THSD7B: variants seen among roughly 807,000 people sequenced by gnomAD.
THSD7B encodes the protein thrombospondin type-1 domain-containing protein 7B.
In THSD7B, 138 loss-of-function variants were observed where a neutral mutation model predicts 213.6. The ratio of observed to expected loss-of-function variants is 0.65; its 90% CI spans 0.56 to 0.74. The LOEUF is 0.74. Among genes scored for constraint, THSD7B ranks in the 30% least tolerant of loss-of-function variants. The pLI, the probability that THSD7B is intolerant of heterozygous loss-of-function variation, is 0.00. For missense variants in THSD7B, 1,931 were observed against 1,991.5 expected (o/e 0.97, Z 0.58); for synonymous variants, 742 against 687.0 (o/e 1.08, Z -1.25).
chr2:136,769,980 G>A (rs1197823682), intron 1 of THSD7B, among the ~76,000 whole-genome samples: 1 of 152,176 alleles, frequency 6.6e-6, no homozygotes, highest in East Asian at 1.9e-4. Context: ...AGAATCCTAA[G>A]TAACTAATGC....
intron 14 of THSD7B, among the ~76,000 whole-genome samples, chr2:137,434,684 T>C (rs1043428690): frequency 8.5e-5 from 13 of 152,322 alleles, no homozygotes; most frequent in African/African-American, 3.1e-4. Flanking sequence ...ACTGTGTCTG[T>C]TTTCCACATT....
At chr2:137,066,644 C>T (rs1041438554) in intron 3 of THSD7B, among the ~76,000 whole-genome samples, 1 of 152,076 alleles carries the variant, frequency 6.6e-6, no homozygotes, top group Admixed American at 6.6e-5. Flanking sequence ...TGATGTTCTG[C>T]AGTTCAAATG....
At chr2:137,163,968 A>C (rs1680068788) in intron 6 of THSD7B, among the ~76,000 whole-genome samples, 1 of 152,186 alleles carries the variant, frequency 6.6e-6, no homozygotes, top group Non-Finnish European at 1.5e-5. Flanking sequence ...AGCCTAAAGA[A>C]GTTTGGATCA....
chr2:137,213,645 C>G (rs949226644), intron 7 of THSD7B, among the ~76,000 whole-genome samples: 9 of 151,654 alleles, frequency 5.9e-5, no homozygotes, highest in Non-Finnish European at 1.2e-4. Context: ...GAGAATTGAT[C>G]CCCTTATCCC....
intron 20 of THSD7B, among the ~76,000 whole-genome samples, chr2:137,635,740 G>A (rs1295890885): frequency 4.0e-5 from 6 of 150,424 alleles, no homozygotes; most frequent in Non-Finnish European, 5.9e-5. Flanking sequence ...TTTTTTAAAC[G>A]GAGTCACAGG....
At chr2:136,948,115 G>GTT (rs58191405) in intron 2 of THSD7B, among the ~76,000 whole-genome samples, 1 of 151,534 alleles carries the variant, frequency 6.6e-6, no homozygotes, top group Admixed American at 6.6e-5. Flanking sequence ...TTGTATGTAT[G>GTT]TTTTTTTTTA....
In THSD7B at chr2:137,306,977, C is replaced by T. The variant is rs568452673; in HGVS notation, c.2500+30951C>T. On this transcript the variant is annotated intron_variant, in intron 12 of 27. Transcript: ENST00000409968. Reference sequence around the variant, plus strand: ...TGAGAACAGAAGTACTTTAAATTCTCTTCTGTAATCTGCATTGTCTTTGTT... The same window carrying T: ...TGAGAACAGAAGTACTTTAAATTCTTTTCTGTAATCTGCATTGTCTTTGTT... 6.6e-5 allele frequency among the ~76,000 whole-genome samples: 10 copies of T among 152,226 alleles called. No individual in the cohort carries two copies. The East Asian group carries it at 1.9e-3, about 29-fold the overall frequency.
chr2:137,577,167 G>T (rs1209550188), intron 17 of THSD7B, among the ~76,000 whole-genome samples: 2 of 152,020 alleles, frequency 1.3e-5, no homozygotes, highest in Non-Finnish European at 2.9e-5. Context: ...AATTGATATT[G>T]GCCCTTGTCA....
chr2:137,360,930 T>C (rs937786100), intron 12 of THSD7B, among the ~76,000 whole-genome samples: 2 of 152,148 alleles, frequency 1.3e-5, no homozygotes, highest in Admixed American at 1.3e-4. Flanking sequence ...CCTGTGTAGC[T>C]TAACTTGGAG....
rs140540501 is a variant in THSD7B at position 137,524,648 on chromosome 2, T to C, written c.3139-38573T>C. Among the ~76,000 whole-genome samples, 105 of 152,316 alleles carry C rather than the reference T, an allele frequency of 6.9e-4. 1 individual carries two copies. Among genetic ancestry groups the C allele is most frequent in the African/African-American group, 2.2e-3 (92 of 41,590 alleles). On this transcript the variant is annotated intron_variant, in intron 15 of 27. Transcript: ENST00000409968. ...TGCTTTGTTTTGTAAATATCAATTA[T>C]GCAGAAAAAAGATGTGTGTTCATAA...
At chr2:137,594,620 C>T (rs564448783) in intron 17 of THSD7B, among the ~76,000 whole-genome samples, 1 of 151,956 alleles carries the variant, frequency 6.6e-6, no homozygotes, top group African/African-American at 2.4e-5. Flanking sequence ...TTAGTGTTGA[C>T]TTAGACTGAG....
chr2:137,633,696 A>G (rs544354722), intron 20 of THSD7B, among the ~76,000 whole-genome samples: 1 of 152,258 alleles, frequency 6.6e-6, no homozygotes, highest in East Asian at 1.9e-4. Flanking sequence ...CAGGGTTGAT[A>G]AAGTGTTTTA....
intron 24 of THSD7B, among the ~76,000 whole-genome samples, chr2:137,659,206 T>A (rs1047588290): frequency 6.6e-6 from 1 of 152,228 alleles, no homozygotes; most frequent in Non-Finnish European, 1.5e-5. Flanking sequence ...CATGGTCCCA[T>A]GAATTCATTC....
chr2:137,112,121 T>G (rs1054509344), intron 4 of THSD7B, among the ~76,000 whole-genome samples: 1 of 152,158 alleles, frequency 6.6e-6, no homozygotes, highest in Non-Finnish European at 1.5e-5. Flanking sequence ...CTCCTTTGAT[T>G]TGTTATTCTG....
chr2:137,224,975 T>C (rs7576596), intron 7 of THSD7B, among the ~76,000 whole-genome samples: 62,456 of 151,966 alleles, frequency 0.41, 12,982 homozygotes, highest in Middle Eastern at 0.49. Context: ...TCTAAAGTAT[T>C]TTCTTTTTAA....
intron 20 of THSD7B, among the ~76,000 whole-genome samples, chr2:137,634,681 T>C (rs927305690): frequency 1.3e-5 from 2 of 152,188 alleles, no homozygotes; most frequent in African/African-American, 4.8e-5. Context: ...GCTGGCTACT[T>C]TGATTGGAAA....
chr2:136,923,071 G>A (rs956678580), intron 2 of THSD7B, among the ~76,000 whole-genome samples: 9 of 151,962 alleles, frequency 5.9e-5, no homozygotes, highest in South Asian at 2.1e-4. Context: ...TTTTCATCTT[G>A]CAACTCTGAA....
At chr2:137,164,855 G>A (rs896273136) in intron 6 of THSD7B, among the ~76,000 whole-genome samples, 6 of 152,106 alleles carry the variant, frequency 3.9e-5, no homozygotes, top group African/African-American at 9.7e-5. Flanking sequence ...ACAGGAAGGG[G>A]AACATCACAC....
At chr2:137,548,063 G>A (rs932176048) in intron 15 of THSD7B, among the ~76,000 whole-genome samples, 4 of 151,866 alleles carry the variant, frequency 2.6e-5, no homozygotes, top group African/African-American at 9.7e-5. Flanking sequence ...TTTATCCCAA[G>A]GAAGCCGACA....
Sources: gnomAD v4.1 joint callset for allele counts (sites outside exome capture counted in the v4.1 genomes callset) on GRCh38, gnomAD v4.1.1 for gene constraint, MANE v1.5 for transcripts, NCBI Gene and HGNC (gene_info 2026-07-23, HGNC 2026-07-21) for gene names.